COG5: variants seen among roughly 807,000 people sequenced by gnomAD.
COG5 encodes conserved oligomeric Golgi complex subunit 5.
COG5 carries 86 observed loss-of-function variants against 110.4 expected under a neutral mutation model. That is an observed-to-expected ratio of 0.78 (90% CI 0.65 to 0.93). The LOEUF (loss-of-function observed/expected upper bound fraction) is 0.93. COG5 is among the 40% of genes least tolerant of loss of function. COG5 has a pLI of 0.00. For synonymous variants in COG5, 360 were observed against 334.6 expected (o/e 1.08, Z -0.83); for missense variants, 1,077 against 987.0 (o/e 1.09, Z -1.22).
At chr7:107,537,727 A>G (rs529098277) in intron 5 of COG5, among the ~76,000 whole-genome samples, 2 of 152,146 alleles carry the variant, frequency 1.3e-5, no homozygotes, top group East Asian at 3.9e-4. Flanking sequence ...CCCAGAACTT[A>G]AAGTATAATT....
intron 11 of COG5, among the ~76,000 whole-genome samples, chr7:107,309,823 C>T (rs560442215): frequency 6.6e-6 from 1 of 152,174 alleles, no homozygotes; most frequent in Admixed American, 6.5e-5. Context: ...TAAATCTACA[C>T]AAAAAGTATA....
At chr7:107,525,256 C>CTGT (rs1800648218) in intron 6 of COG5, among the ~76,000 whole-genome samples, 2 of 151,370 alleles carry the variant, frequency 1.3e-5, no homozygotes, top group Non-Finnish European at 2.9e-5. Flanking sequence ...TTTTCGAAGA[C>CTGT]ATGACCATTT....
chr7:107,444,410 T>C (rs919651667), intron 6 of COG5, among the ~76,000 whole-genome samples: 2 of 152,204 alleles, frequency 1.3e-5, no homozygotes, highest in East Asian at 1.9e-4. Context: ...CCATGAAAAG[T>C]TGCACAGGCC....
intron 5 of COG5, among the ~76,000 whole-genome samples, chr7:107,540,696 A>G (rs1480194891): frequency 6.6e-6 from 1 of 151,776 alleles, no homozygotes; most frequent in Non-Finnish European, 1.5e-5. Context: ...GAAATTTTAA[A>G]TAATCTAGGA....
chr7:107,270,628 T>TAC (rs112944834), intron 14 of COG5, among the ~76,000 whole-genome samples: 24,764 of 150,664 alleles, frequency 0.16, 2,366 homozygotes, highest in Non-Finnish European at 0.22. Flanking sequence ...AAAGATGTTA[T>TAC]ACACACACAC....
At chr7:107,277,439 A>G (rs560739797) in intron 14 of COG5, among the ~76,000 whole-genome samples, 61 of 152,214 alleles carry the variant, frequency 4.0e-4, no homozygotes, top group Non-Finnish European at 7.8e-4. Context: ...AAAGCCTAAA[A>G]AAAACAAGAG....
At chr7:107,445,083 G>A (rs985487107) in intron 6 of COG5, among the ~76,000 whole-genome samples, 3 of 151,932 alleles carry the variant, frequency 2.0e-5, no homozygotes, top group Admixed American at 2.0e-4. Context: ...GCTGAGATAG[G>A]AGTATCTCAG....
intron 10 of COG5, among the ~76,000 whole-genome samples, chr7:107,338,196 T>A (rs909789750): frequency 1.3e-5 from 2 of 152,288 alleles, no homozygotes; most frequent in Middle Eastern, 3.4e-3. Context: ...AAATATCTTT[T>A]TTGAGAAGGA....
intron 11 of COG5, among the ~76,000 whole-genome samples, chr7:107,316,240 G>A (rs1220335050): frequency 1.3e-5 from 2 of 152,016 alleles, no homozygotes; most frequent in East Asian, 3.9e-4. Context: ...TATAGCTGAG[G>A]AAAAGAAATT....
chr7:107,221,546 T>C (rs1799926033), intron 19 of COG5, among the ~76,000 whole-genome samples: 1 of 151,908 alleles, frequency 6.6e-6, no homozygotes, highest in African/African-American at 2.4e-5. Context: ...AGGCAGATCA[T>C]GAGGTCAGGA....
chr7:107,302,655 G>A (rs1000612457), intron 11 of COG5, among the ~76,000 whole-genome samples: 5 of 152,114 alleles, frequency 3.3e-5, no homozygotes, highest in Admixed American at 6.5e-5. Context: ...GTTCTTTCAC[G>A]GCATGCCAAT....
chr7:107,504,427 A>G (rs1368217498), intron 6 of COG5, among the ~76,000 whole-genome samples: 1 of 152,104 alleles, frequency 6.6e-6, no homozygotes, highest in Non-Finnish European at 1.5e-5. Flanking sequence ...TTTTGCATCA[A>G]TGTTCATCAG....
At chr7:107,516,361 G>C (rs1799922773) in intron 6 of COG5, among the ~76,000 whole-genome samples, 1 of 152,168 alleles carries the variant, frequency 6.6e-6, no homozygotes. Context: ...ATGTCTGGAT[G>C]CAAGTCCTCT....
chr7:107,358,410 GACTATAC>G (rs1584724613), intron 10 of COG5, among the ~76,000 whole-genome samples: 1 of 152,138 alleles, frequency 6.6e-6, no homozygotes, highest in African/African-American at 2.4e-5. Context: ...AAACATGAGT[GACTATAC>G]ACCTTGACAA....
At chr7:107,293,547 G>A (rs1381091956) in intron 12 of COG5, among the ~76,000 whole-genome samples, 1 of 152,090 alleles carries the variant, frequency 6.6e-6, no homozygotes, top group Non-Finnish European at 1.5e-5. Flanking sequence ...TTTGCTGTTT[G>A]CTCTTAGGAC....
chr7:107,320,775 CATA>C (rs1397762565), intron 11 of COG5, among the ~76,000 whole-genome samples: 11 of 152,104 alleles, frequency 7.2e-5, no homozygotes, highest in Non-Finnish European at 1.0e-4. Flanking sequence ...AGACCCTCTC[CATA>C]ATTACAGGAC....
At chr7:107,312,944 T>C (rs1030452566) in intron 11 of COG5, among the ~76,000 whole-genome samples, 1 of 152,150 alleles carries the variant, frequency 6.6e-6, no homozygotes, top group East Asian at 1.9e-4. Context: ...CCATGGAACA[T>C]TTGCTGAGTT....
intron 14 of COG5, among the ~76,000 whole-genome samples, chr7:107,275,703 T>C (rs1326421523): frequency 6.6e-6 from 1 of 152,038 alleles, no homozygotes; most frequent in African/African-American, 2.4e-5. Flanking sequence ...TTTGTACTTT[T>C]AGTAGAGATG....
chr7:107,529,819 C>T (rs1314823375), intron 5 of COG5, among the ~76,000 whole-genome samples: 1 of 152,136 alleles, frequency 6.6e-6, no homozygotes, highest in Non-Finnish European at 1.5e-5. Context: ...GCCCCTCAGT[C>T]GAATTCTTTC....
Sources: allele counts gnomAD v4.1 joint callset (sites outside exome capture counted in the v4.1 genomes callset), GRCh38; gene constraint gnomAD v4.1.1; transcripts MANE v1.5; gene names NCBI Gene and HGNC (gene_info 2026-07-23, HGNC 2026-07-21).